The following NR1H4 variants were observed in gnomAD, a reference collection of about 807,000 sequenced individuals.
NR1H4 encodes bile acid receptor.
NR1H4 carries 23 observed loss-of-function variants against 58.5 expected under a neutral mutation model. That is an observed-to-expected ratio of 0.39 (90% CI 0.28 to 0.56). The LOEUF is 0.56. Ranked by LOEUF, NR1H4 falls within the 20% of genes least tolerant of loss-of-function variation. NR1H4 has a pLI of 0.58. For missense variants in NR1H4, 487 were observed against 576.9 expected, an observed-to-expected ratio of 0.84 and a Z score of 1.60; for synonymous variants, 214 against 198.0, an observed-to-expected ratio of 1.08 and a Z score of -0.68.
chr12:100,544,786 G>A (rs1410336310), intron 9 of NR1H4, among the ~76,000 whole-genome samples: 1 of 152,120 alleles, frequency 6.6e-6, no homozygotes, highest in African/African-American at 2.4e-5. Context: ...AGTTGTTAAT[G>A]TCCAAAGCTA....
rs971190750 is a variant in NR1H4, at chr12:100,510,815, G to A, written c.117G>A (p.Gln39=). 14 of 1,613,964 alleles carry A rather than the reference G, an allele frequency of 8.7e-6. No homozygotes were observed. In the African/African-American group the frequency reaches 1.9e-4, roughly 22 times the overall value. ...LTEQVAGPLG[Q]NLEVEPYSQY... ...AACAAGTGGCAGGTCCTCTGGGACAGAACCTGGAAGTGGAACCATACTCGC... is the reference window on the plus strand; with the variant it reads ...AACAAGTGGCAGGTCCTCTGGGACAAAACCTGGAAGTGGAACCATACTCGC... The change falls in exon 4 of 11, where the codon CAG becomes CAA. Residue 39 remains glutamine, a synonymous_variant. Transcript: ENST00000392986.
chr12:100,502,886 A>G (rs1035532278), intron 3 of NR1H4, among the ~76,000 whole-genome samples: 1 of 152,168 alleles, frequency 6.6e-6, no homozygotes, highest in Non-Finnish European at 1.5e-5. Context: ...CTTACTCACT[A>G]CCACGAGAAC....
At chr12:100,534,058 G>A (rs1954757488) in intron 5 of NR1H4, among the ~76,000 whole-genome samples, 2 of 151,822 alleles carry the variant, frequency 1.3e-5, no homozygotes, top group South Asian at 4.2e-4. Flanking sequence ...CACTGCGCCC[G>A]GCTAATTTTT....
Position 100,563,865 on chromosome 12 carries a change from G to A in NR1H4, c.*376G>A. ...CAATAAAGCAAACATAATGGCAACA[G>A]GATTTTCTTTGGGAACAAAATTTGA... On this transcript the variant is annotated 3_prime_UTR_variant, in exon 11 of 11. Transcript: ENST00000392986. The A allele has an allele frequency of 1.1e-5, 2 of 179,880 alleles. No homozygotes were observed. Among genetic ancestry groups the A allele is most frequent in the Admixed American group, 5.7e-5 (1 of 17,692 alleles). The allele number at this position is 179,880 out of a possible 1,614,324, so 11.1% of individuals were successfully genotyped here.
At chr12:100,561,431 C>T (rs933101867) in intron 9 of NR1H4, among the ~76,000 whole-genome samples, 5 of 152,080 alleles carry the variant, frequency 3.3e-5, no homozygotes, top group African/African-American at 7.2e-5. Flanking sequence ...AATAAAGAAC[C>T]CTGGCCCATT....
intron 4 of NR1H4, among the ~76,000 whole-genome samples, chr12:100,513,316 A>AT (rs571530051): frequency 2.6e-5 from 4 of 151,866 alleles, no homozygotes; most frequent in Admixed American, 6.6e-5. Flanking sequence ...ACACATTAAA[A>AT]TTTTTTTTTA....
intron 4 of NR1H4, among the ~76,000 whole-genome samples, chr12:100,513,713 C>T (rs1954184268): frequency 2.0e-5 from 3 of 151,836 alleles, no homozygotes; most frequent in South Asian, 4.2e-4. Flanking sequence ...GAGAATTCCT[C>T]GAATCCAGAA....
At chr12:100,511,723 A>C (rs1291598234) in intron 4 of NR1H4, among the ~76,000 whole-genome samples, 1 of 151,722 alleles carries the variant, frequency 6.6e-6, no homozygotes, top group Non-Finnish European at 1.5e-5. Context: ...GGAGTTCAAG[A>C]CCAGCCTGGC....
chr12:100,498,705 A>G (rs1239892061), intron 3 of NR1H4, among the ~76,000 whole-genome samples: 1 of 152,092 alleles, frequency 6.6e-6, no homozygotes, highest in East Asian at 1.9e-4. Context: ...TCACCTTTGC[A>G]TTATTACATT....
intron 4 of NR1H4, among the ~76,000 whole-genome samples, chr12:100,514,474 A>C (rs903767081): frequency 3.3e-5 from 5 of 152,038 alleles, no homozygotes; most frequent in African/African-American, 1.2e-4. Flanking sequence ...TAGGCTGAAA[A>C]ACTCTGTTGT....
At chr12:100,501,255 G>C (rs1321911369) in intron 3 of NR1H4, among the ~76,000 whole-genome samples, 2 of 151,924 alleles carry the variant, frequency 1.3e-5, no homozygotes, top group African/African-American at 2.4e-5. Flanking sequence ...CATATCCTTT[G>C]GGTAGCTTTT....
Position 100,563,377 on chromosome 12 carries a change from G to A in NR1H4, c.1319G>A (p.Arg440His), listed in dbSNP as rs750672942. 8.1e-6 allele frequency: 13 copies of A among 1,613,878 alleles called. No homozygotes were observed. In the East Asian group the frequency reaches 8.9e-5, roughly 11 times the overall value. ...NPQHFACLLG[R>H]LTELRTFNHH... ...CAACACTTTGCCTGTCTCCTGGGTC[G>A]CCTGACTGAATTACGGACATTCAAT... Residue 440 changes from arginine to histidine, a missense_variant, in exon 11 of 11, where the codon CGC (arginine) becomes CAC (histidine). Coordinates refer to ENST00000392986, the MANE Select transcript of NR1H4 (RefSeq NM_001206979.2).
intron 3 of NR1H4, among the ~76,000 whole-genome samples, chr12:100,503,770 T>C (rs1398423210): frequency 6.6e-6 from 1 of 152,200 alleles, no homozygotes; most frequent in Non-Finnish European, 1.5e-5. Context: ...AACCAAACAT[T>C]AGACAATTCT....
In NR1H4 at chr12:100,506,042, C is replaced by CACACACACAG. The variant is rs1491443606; in HGVS notation, c.80-4735_80-4734insCACACACAGA. ...ACACACACACACACACACACACACA[C>CACACACACAG]AGAGAGAGAGAGAGAACATGAGCAT... On this transcript the variant is annotated intron_variant, in intron 3 of 10. Transcript: ENST00000392986. Among the ~76,000 whole-genome samples, 1,006 of 117,402 alleles carry CACACACACAG rather than the reference C, an allele frequency of 8.6e-3. 13 individuals are homozygous for CACACACACAG. The highest frequency in any genetic ancestry group is 0.034 in the African/African-American group (975 of 28,512). 77.0% of individuals were successfully genotyped at this position (117,402 alleles called of 152,430 possible). A position where few individuals can be genotyped will look rare whatever the true frequency, so the allele number is the denominator to read the frequency against.
intron 1 of NR1H4, among the ~76,000 whole-genome samples, chr12:100,487,162 G>T (rs1953509368): frequency 2.0e-5 from 3 of 152,096 alleles, no homozygotes; most frequent in Admixed American, 2.0e-4. Context: ...AGAAAAAATT[G>T]TTCAAAGTGA....
intron 9 of NR1H4, among the ~76,000 whole-genome samples, chr12:100,560,299 T>C (rs556901029): frequency 2.0e-4 from 30 of 152,310 alleles, no homozygotes; most frequent in Middle Eastern, 3.4e-3. Context: ...GGCAACCCAC[T>C]CGGGTCCCCT....
intron 9 of NR1H4, among the ~76,000 whole-genome samples, chr12:100,552,029 G>GA (rs199628466): frequency 0.013 from 1,944 of 152,272 alleles, 31 homozygotes; most frequent in African/African-American, 0.041. Context: ...TCTGTGGTTG[G>GA]TTGAATCCAT....
chr12:100,545,714 C>T (rs1026841584), intron 9 of NR1H4, among the ~76,000 whole-genome samples: 6 of 143,886 alleles, frequency 4.2e-5, no homozygotes, highest in African/African-American at 7.8e-5. Context: ...CTATTAATTA[C>T]GGCACCAGAA....
At chr12:100,508,441 C>T (rs1052741900) in intron 3 of NR1H4, among the ~76,000 whole-genome samples, 5 of 152,012 alleles carry the variant, frequency 3.3e-5, no homozygotes, top group Non-Finnish European at 5.9e-5. Context: ...CAGAGAGGGG[C>T]TTTGAAGATC....
Sources: allele counts gnomAD v4.1 joint callset (sites outside exome capture counted in the v4.1 genomes callset), GRCh38; gene constraint gnomAD v4.1.1; transcripts MANE v1.5; gene names NCBI Gene and HGNC (gene_info 2026-07-23, HGNC 2026-07-21).